GPC6: variants seen among roughly 807,000 people sequenced by gnomAD.
GPC6 encodes glypican 6, also known as glypican-6.
Under a neutral mutation model 55.2 loss-of-function variants are expected in GPC6, and 14 were observed. The ratio of observed to expected loss-of-function variants is 0.25; its 90% confidence interval spans 0.17 to 0.40. The LOEUF is 0.40. Ranked by LOEUF, GPC6 falls within the 10% of genes least tolerant of loss-of-function variation. The pLI is 1.00. For missense variants in GPC6, 641 were observed against 708.5 expected (o/e 0.90, Z 1.08); for synonymous variants, 278 against 259.6 (o/e 1.07, Z -0.68).
chr13:93,296,776 T>G (rs1327722865), intron 1 of GPC6, among the ~76,000 whole-genome samples: 1 of 152,186 alleles, frequency 6.6e-6, no homozygotes, highest in Non-Finnish European at 1.5e-5. Context: ...GGACTCTCCA[T>G]GCAGACATCT....
At chr13:94,224,993 T>C (rs1331316515) in intron 4 of GPC6, among the ~76,000 whole-genome samples, 1 of 152,128 alleles carries the variant, frequency 6.6e-6, no homozygotes, top group Non-Finnish European at 1.5e-5. Flanking sequence ...GTTTAAATTT[T>C]CCATAGAAAG....
At chr13:93,964,986 A>G (rs1879960792) in intron 3 of GPC6, among the ~76,000 whole-genome samples, 1 of 152,156 alleles carries the variant, frequency 6.6e-6, no homozygotes, top group Admixed American at 6.5e-5. Context: ...TACCATATAA[A>G]AAGAGACAGC....
chr13:94,326,333 C>T lies in GPC6; in HGVS notation c.1152+20210C>T, dbSNP rs570516171. On this transcript the variant is annotated intron_variant, in intron 6 of 8. Transcript: ENST00000377047. ...TAAAATAATAGGAGAAACAGAGGCA[C>T]AAAGTTAAGATTTATGGCACAAGGA... 8.7e-4 allele frequency among the ~76,000 whole-genome samples: 132 copies of T among 152,062 alleles called. 1 individual carries two copies. Among genetic ancestry groups the T allele is most frequent in the Non-Finnish European group, 1.7e-3 (115 of 68,006 alleles).
intron 1 of GPC6, among the ~76,000 whole-genome samples, chr13:93,516,252 A>G (rs975302868): frequency 6.6e-6 from 1 of 152,158 alleles, no homozygotes; most frequent in Non-Finnish European, 1.5e-5. Context: ...CCAGATGTGC[A>G]GTTTTCTATG....
chr13:93,818,652 A>C (rs1886944154), intron 2 of GPC6: 2 of 152,380 alleles, frequency 1.3e-5, no homozygotes, highest in South Asian at 4.1e-4. Flanking sequence ...ATAAATGGGA[A>C]AGAAATGGAG....
At chr13:94,199,176 A>G (rs1253698732) in intron 4 of GPC6, among the ~76,000 whole-genome samples, 2 of 152,230 alleles carry the variant, frequency 1.3e-5, no homozygotes, top group Non-Finnish European at 2.9e-5. Context: ...GAAGAACTTT[A>G]CTAGGCCTAA....
chr13:94,035,206 A>C (rs74979084), intron 4 of GPC6, among the ~76,000 whole-genome samples: 1 of 152,092 alleles, frequency 6.6e-6, no homozygotes, highest in Admixed American at 6.6e-5. Flanking sequence ...ATAACATGTT[A>C]CAATTTTCAC....
intron 4 of GPC6, among the ~76,000 whole-genome samples, chr13:94,160,765 A>G (rs1594004409): frequency 6.6e-6 from 1 of 152,196 alleles, no homozygotes. Context: ...GTTCATGTAT[A>G]TATGGGACTC....
chr13:93,971,342 G>A (rs1273537866), intron 3 of GPC6, among the ~76,000 whole-genome samples: 2 of 152,118 alleles, frequency 1.3e-5, no homozygotes, highest in East Asian at 3.8e-4. Context: ...TGTGTATGGT[G>A]AACTTTGGAA....
At chr13:93,428,154 T>C (rs1042726817) in intron 1 of GPC6, among the ~76,000 whole-genome samples, 1 of 146,836 alleles carries the variant, frequency 6.8e-6, no homozygotes, top group Non-Finnish European at 1.5e-5. Flanking sequence ...GTGAAGATTT[T>C]GTTTCCATTA....
intron 2 of GPC6, among the ~76,000 whole-genome samples, chr13:93,639,348 G>A (rs1262862331): frequency 6.6e-6 from 1 of 152,130 alleles, no homozygotes; most frequent in Non-Finnish European, 1.5e-5. Flanking sequence ...AGTGGGGTTG[G>A]AGGAGTTGTA....
intron 1 of GPC6, among the ~76,000 whole-genome samples, chr13:93,343,465 A>G (rs541543148): frequency 6.6e-6 from 1 of 152,182 alleles, no homozygotes; most frequent in Non-Finnish European, 1.5e-5. Context: ...AACATTGTTA[A>G]TTAGTAGCAA....
At chr13:93,356,361 G>A (rs765916790) in intron 1 of GPC6, among the ~76,000 whole-genome samples, 10 of 152,190 alleles carry the variant, frequency 6.6e-5, no homozygotes, top group Non-Finnish European at 1.2e-4. Flanking sequence ...CAAGAGCTCT[G>A]TTGAAAACAG....
At chr13:94,103,298 T>G (rs1885934164) in intron 4 of GPC6, among the ~76,000 whole-genome samples, 1 of 152,222 alleles carries the variant, frequency 6.6e-6, no homozygotes, top group African/African-American at 2.4e-5. Flanking sequence ...GATGGGCATT[T>G]GGGTTGTTTC....
chr13:93,301,568 G>A (rs1399690240), intron 1 of GPC6, among the ~76,000 whole-genome samples: 1 of 152,178 alleles, frequency 6.6e-6, no homozygotes, highest in Non-Finnish European at 1.5e-5. Flanking sequence ...ACAAGGAGAA[G>A]TACAGAAAGG....
intron 3 of GPC6, among the ~76,000 whole-genome samples, chr13:93,882,567 AT>A (rs990322380): frequency 6.6e-6 from 1 of 151,138 alleles, no homozygotes; most frequent in African/African-American, 2.4e-5. Flanking sequence ...ATCCTGGTTG[AT>A]TTTTTTTTAA....
chr13:94,343,014 C>T (rs1477861735), intron 6 of GPC6, among the ~76,000 whole-genome samples: 2 of 152,146 alleles, frequency 1.3e-5, no homozygotes. Flanking sequence ...ATCTGAAAAT[C>T]TCATGCCCTG....
chr13:94,183,285 C>T (rs1889057956), intron 4 of GPC6, among the ~76,000 whole-genome samples: 1 of 152,138 alleles, frequency 6.6e-6, no homozygotes, highest in Non-Finnish European at 1.5e-5. Flanking sequence ...CTGAGTACCC[C>T]ATATAAGTGG....
rs1321520663 is a variant in GPC6, at chr13:93,348,596, C to G, written c.160+120980C>G. 2.0e-5 allele frequency among the ~76,000 whole-genome samples: 3 copies of G among 152,148 alleles called. No homozygotes were observed. The East Asian group carries it at 5.8e-4, about 29-fold the overall frequency. On this transcript the variant is annotated intron_variant, in intron 1 of 8. Transcript: ENST00000377047. ...ACATGATTTGGTCAAGCATTTTACT[C>G]TGTGGCACCCAGAAACAATTTCAGA...
Sources: gnomAD v4.1 joint callset for allele counts (sites outside exome capture counted in the v4.1 genomes callset) on GRCh38, gnomAD v4.1.1 for gene constraint, MANE v1.5 for transcripts, NCBI Gene and HGNC (gene_info 2026-07-23, HGNC 2026-07-21) for gene names.